Variants in RNF150 observed in about 807,000 individuals in gnomAD.
RNF150 encodes ring finger protein 150.
RNF150 carries 24 observed loss-of-function variants against 39.3 expected under a neutral mutation model. The observed-to-expected ratio is 0.61, with a 90% CI of 0.44 to 0.86. The LOEUF (loss-of-function observed/expected upper bound fraction) is 0.86, where lower values mean the gene tolerates loss of function less well. RNF150 is among the 40% of genes least tolerant of loss of function. The pLI, the probability that RNF150 is intolerant of heterozygous loss-of-function variation, is 0.00. For missense variants in RNF150, 502 were observed against 587.8 expected (o/e 0.85, Z 1.51); for synonymous variants, 255 against 227.3 (o/e 1.12, Z -1.10).
intron 6 of RNF150, among the ~76,000 whole-genome samples, chr4:140,895,653 A>G (rs1729916008): frequency 6.6e-6 from 1 of 152,232 alleles, no homozygotes; most frequent in African/African-American, 2.4e-5. Context: ...TCTGTGTTGC[A>G]GATCTTAGCT....
chr4:140,912,558 G>A (rs1343342726), intron 5 of RNF150, among the ~76,000 whole-genome samples: 1 of 152,120 alleles, frequency 6.6e-6, no homozygotes, highest in Non-Finnish European at 1.5e-5. Context: ...GGACTCCTAG[G>A]GAACACAAAG....
chr4:141,043,763 T>A (rs1053062089), intron 1 of RNF150, among the ~76,000 whole-genome samples: 6 of 152,092 alleles, frequency 3.9e-5, no homozygotes, highest in Non-Finnish European at 8.8e-5. Context: ...TTCTATATTA[T>A]GGGAAAGAGT....
chr4:140,944,179 CT>C (rs1418628142), intron 4 of RNF150, among the ~76,000 whole-genome samples: 3 of 152,170 alleles, frequency 2.0e-5, no homozygotes, highest in African/African-American at 7.2e-5. Flanking sequence ...AATGAAACAT[CT>C]TTTGTGGCTA....
chr4:140,910,485 CAG>C (rs1730550379), intron 6 of RNF150, among the ~76,000 whole-genome samples: 1 of 152,130 alleles, frequency 6.6e-6, no homozygotes, highest in Non-Finnish European at 1.5e-5. Context: ...TACCATCAAA[CAG>C]AACAGCATTT....
chr4:140,980,068 A>C, intron 1 of RNF150, among the ~76,000 whole-genome samples: 1 of 151,960 alleles, frequency 6.6e-6, no homozygotes. Context: ...TTTTTGACGG[A>C]GTCTCGCTTT....
intron 4 of RNF150, among the ~76,000 whole-genome samples, chr4:140,929,642 A>G (rs952997244): frequency 6.6e-6 from 1 of 152,116 alleles, no homozygotes; most frequent in Non-Finnish European, 1.5e-5. Flanking sequence ...ATGGGATTAC[A>G]GGCGTGAGAC....
chr4:140,980,446 A>G (rs927881400), intron 1 of RNF150, among the ~76,000 whole-genome samples: 8 of 152,256 alleles, frequency 5.3e-5, no homozygotes, highest in African/African-American at 1.7e-4. Context: ...TTTATGATAC[A>G]CTATTCTGTA....
At chr4:140,877,364 A>G (rs1301153877) in intron 6 of RNF150, among the ~76,000 whole-genome samples, 1 of 152,236 alleles carries the variant, frequency 6.6e-6, no homozygotes, top group Non-Finnish European at 1.5e-5. Context: ...AACCTTAAAC[A>G]TTAAGCATAA....
At chr4:140,994,222 G>T (rs1560674433) in intron 1 of RNF150, among the ~76,000 whole-genome samples, 1 of 152,166 alleles carries the variant, frequency 6.6e-6, no homozygotes, top group African/African-American at 2.4e-5. Flanking sequence ...AAACAGCTCA[G>T]CCAAATCCTG....
chr4:141,065,808 T>G (rs1022665910), intron 1 of RNF150, among the ~76,000 whole-genome samples: 10 of 152,028 alleles, frequency 6.6e-5, no homozygotes, highest in African/African-American at 2.4e-4. Flanking sequence ...CTCCCTCCGC[T>G]TGGATGACCT....
intron 1 of RNF150, among the ~76,000 whole-genome samples, chr4:141,122,144 A>C (rs769376242): frequency 6.6e-6 from 1 of 152,162 alleles, no homozygotes; most frequent in Non-Finnish European, 1.5e-5. Context: ...GCCAACCGAA[A>C]AGCCAATTTG....
chr4:141,011,386 C>T (rs1735068731), intron 1 of RNF150, among the ~76,000 whole-genome samples: 1 of 152,132 alleles, frequency 6.6e-6, no homozygotes, highest in Non-Finnish European at 1.5e-5. Context: ...AATGTCTACC[C>T]CTCACTTGAG....
intron 1 of RNF150, among the ~76,000 whole-genome samples, chr4:141,033,925 C>T (rs943717339): frequency 2.0e-5 from 3 of 152,210 alleles, no homozygotes; most frequent in Non-Finnish European, 2.9e-5. Flanking sequence ...TAACATAATT[C>T]GTAAGGGGGC....
At chr4:141,025,281 T>G (rs143290206) in intron 1 of RNF150, among the ~76,000 whole-genome samples, 1 of 152,230 alleles carries the variant, frequency 6.6e-6, no homozygotes, top group East Asian at 1.9e-4. Flanking sequence ...ATGATGAATA[T>G]AGTCATTCAA....
chr4:141,050,672 T>C (rs1340331637), intron 1 of RNF150, among the ~76,000 whole-genome samples: 14 of 152,222 alleles, frequency 9.2e-5, no homozygotes. Context: ...ATCCAGGTCA[T>C]ACTGATGCAA....
chr4:141,156,733 C>CCAAAAA (rs1203472215), intron 1 of RNF150, among the ~76,000 whole-genome samples: 2 of 14,340 alleles, frequency 1.4e-4, no homozygotes, highest in Admixed American at 1.0e-3. Context: ...GTCTCTACTA[C>CCAAAAA]TAAAAAAAAA....
At chr4:140,876,919 A>G (rs1347163455) in intron 6 of RNF150, among the ~76,000 whole-genome samples, 2 of 152,240 alleles carry the variant, frequency 1.3e-5, no homozygotes, top group African/African-American at 2.4e-5. Flanking sequence ...TTCCTGTTCC[A>G]TAATTGCAAA....
intron 1 of RNF150, among the ~76,000 whole-genome samples, chr4:141,082,133 GTTTCTC>G (rs1432395539): frequency 1.6e-4 from 24 of 152,350 alleles, no homozygotes; most frequent in African/African-American, 5.5e-4. Context: ...TGAGCTCTGA[GTTTCTC>G]TGCTGTTCTG....
chr4:141,072,682 TAGAC>T (rs904905733), intron 1 of RNF150, among the ~76,000 whole-genome samples: 1 of 152,176 alleles, frequency 6.6e-6, no homozygotes, highest in Non-Finnish European at 1.5e-5. Flanking sequence ...AATTATAACA[TAGAC>T]AGGTAGATGT....
Sources: gnomAD v4.1 joint callset for allele counts (sites outside exome capture counted in the v4.1 genomes callset) on GRCh38, gnomAD v4.1.1 for gene constraint, MANE v1.5 for transcripts, NCBI Gene and HGNC (gene_info 2026-07-23, HGNC 2026-07-21) for gene names.